Variants in IQCM observed in about 807,000 individuals in gnomAD.
The protein encoded by IQCM is IQ motif containing M, also known as IQ domain-containing protein M.
Under a neutral mutation model 57.6 loss-of-function variants are expected in IQCM, and 45 were observed. That is an observed-to-expected ratio of 0.78 (90% CI 0.62 to 1.00). The LOEUF (loss-of-function observed/expected upper bound fraction) is 1.00. Ranked by LOEUF, IQCM falls within the 50% of genes least tolerant of loss-of-function variation. The probability of loss-of-function intolerance (pLI) is 0.00; values close to 1 mark genes in which losing one functional copy is unlikely to be tolerated. For missense variants in IQCM, 468 were observed against 511.6 expected, an observed-to-expected ratio of 0.91 and a Z score of 0.82; for synonymous variants, 148 against 158.9, an observed-to-expected ratio of 0.93 and a Z score of 0.51.
At chr4:149,676,840 G>A (rs1761791075) in intron 7 of IQCM, among the ~76,000 whole-genome samples, 1 of 151,876 alleles carries the variant, frequency 6.6e-6, no homozygotes. Context: ...AGGACCTCCA[G>A]TTCCAAAATG....
intron 7 of IQCM, among the ~76,000 whole-genome samples, chr4:149,650,889 A>T (rs1759112856): frequency 6.6e-6 from 1 of 152,158 alleles, no homozygotes; most frequent in South Asian, 2.1e-4. Context: ...GCTTCTTGGC[A>T]TTTGCTTTAG....
chr4:149,791,985 T>C (rs115488971), intron 2 of IQCM, among the ~76,000 whole-genome samples: 3,366 of 152,094 alleles, frequency 0.022, 65 homozygotes, highest in South Asian at 0.036. Context: ...ACATCAAGAG[T>C]AGGCTAACCA....
intron 7 of IQCM, among the ~76,000 whole-genome samples, chr4:149,637,881 A>T (rs1004939577): frequency 5.9e-5 from 9 of 152,236 alleles, no homozygotes; most frequent in Non-Finnish European, 1.3e-4. Flanking sequence ...ACCGAAGAAT[A>T]ACTATAGAAA....
At chr4:149,772,977 A>G (rs1770726023) in intron 2 of IQCM, among the ~76,000 whole-genome samples, 1 of 152,220 alleles carries the variant, frequency 6.6e-6, no homozygotes, top group Admixed American at 6.5e-5. Context: ...GGGAATGCTT[A>G]TCTGAGGGAA....
intron 9 of IQCM, among the ~76,000 whole-genome samples, chr4:149,586,816 A>C (rs953659494): frequency 1.3e-5 from 2 of 151,646 alleles, no homozygotes; most frequent in Non-Finnish European, 2.9e-5. Flanking sequence ...ACCTTTTTTA[A>C]GTTTTGAACA....
intron 12 of IQCM, among the ~76,000 whole-genome samples, chr4:149,515,076 G>GTGTGTGTGTA (rs1744815495): frequency 9.8e-6 from 1 of 102,420 alleles, no homozygotes; most frequent in African/African-American, 4.5e-5. Flanking sequence ...ATACACGTGT[G>GTGTGTGTGTA]TGTGTGTGTG....
intron 10 of IQCM, among the ~76,000 whole-genome samples, chr4:149,555,966 G>A (rs1447331696): frequency 1.3e-5 from 2 of 152,184 alleles, no homozygotes; most frequent in Admixed American, 6.5e-5. Context: ...AGTTGAGCCA[G>A]AGAAAATGAC....
intron 5 of IQCM, among the ~76,000 whole-genome samples, chr4:149,710,454 G>A (rs184640353): frequency 1.4e-4 from 21 of 152,128 alleles, no homozygotes; most frequent in African/African-American, 4.8e-4. Flanking sequence ...ATCGTTGTTG[G>A]CCCAGCAAAG....
At chr4:149,354,366 A>AAAAAAAAAAAAAC (rs1728790635) in intron 13 of IQCM, among the ~76,000 whole-genome samples, 1 of 109,628 alleles carries the variant, frequency 9.1e-6, no homozygotes, top group Non-Finnish European at 2.0e-5. Flanking sequence ...TCCGTCTCAA[A>AAAAAAAAAAAAAC]AAAAAAAAAA....
chr4:149,389,939 T>C (rs1243563396), intron 13 of IQCM, among the ~76,000 whole-genome samples: 1 of 152,088 alleles, frequency 6.6e-6, no homozygotes, highest in Non-Finnish European at 1.5e-5. Flanking sequence ...TTTTTCAAGA[T>C]TGTTCTATTT....
chr4:149,804,214 C>G (rs1021028174), intron 2 of IQCM, among the ~76,000 whole-genome samples: 6 of 152,122 alleles, frequency 3.9e-5, no homozygotes, highest in African/African-American at 1.4e-4. Flanking sequence ...CAGTTACTTT[C>G]TCCCTCACCC....
intron 12 of IQCM, among the ~76,000 whole-genome samples, chr4:149,541,800 A>G (rs1484989984): frequency 6.6e-6 from 1 of 152,098 alleles, no homozygotes; most frequent in Non-Finnish European, 1.5e-5. Flanking sequence ...AACTGAAGAC[A>G]GTTTTAGAAC....
intron 7 of IQCM, among the ~76,000 whole-genome samples, chr4:149,632,349 T>A (rs1291711392): frequency 6.6e-6 from 1 of 152,230 alleles, no homozygotes; most frequent in Non-Finnish European, 1.5e-5. Context: ...TGGTCATAAA[T>A]CTTTGGTATT....
intron 7 of IQCM, among the ~76,000 whole-genome samples, chr4:149,659,988 A>C (rs1307271211): frequency 1.3e-5 from 2 of 151,242 alleles, no homozygotes; most frequent in Non-Finnish European, 3.0e-5. Context: ...AATGGGATCT[A>C]ATTAAACTAA....
At chr4:149,410,474 T>A (rs1733307230) in intron 13 of IQCM, among the ~76,000 whole-genome samples, 2 of 149,762 alleles carry the variant, frequency 1.3e-5, no homozygotes, top group South Asian at 4.2e-4. Flanking sequence ...TTTCATATTA[T>A]ATATCAATAT....
chr4:149,630,554 A>G (rs1185479627), intron 7 of IQCM, among the ~76,000 whole-genome samples: 1 of 152,192 alleles, frequency 6.6e-6, no homozygotes, highest in Admixed American at 6.5e-5. Flanking sequence ...CATTTATCTC[A>G]CATAATTTGA....
At chr4:149,660,516 C>T (rs943488701) in intron 7 of IQCM, among the ~76,000 whole-genome samples, 4 of 152,044 alleles carry the variant, frequency 2.6e-5, no homozygotes, top group Admixed American at 2.0e-4. Flanking sequence ...CATGCTGCTA[C>T]AAAGACACAT....
intron 11 of IQCM, among the ~76,000 whole-genome samples, chr4:149,550,601 A>C (rs553161715): frequency 2.0e-5 from 3 of 152,328 alleles, no homozygotes; most frequent in African/African-American, 7.2e-5. Context: ...ACTTTCAGCA[A>C]CATGCAAGGA....
At chr4:149,535,188 C>A (rs72955474) in intron 12 of IQCM, among the ~76,000 whole-genome samples, 2,807 of 151,996 alleles carry the variant, frequency 0.018, 57 homozygotes, top group African/African-American at 0.055. Context: ...TTTACTGTAG[C>A]AATTTATAGG....
Sources: allele counts gnomAD v4.1 joint callset (sites outside exome capture counted in the v4.1 genomes callset), GRCh38; gene constraint gnomAD v4.1.1; transcripts MANE v1.5; gene names NCBI Gene and HGNC (gene_info 2026-07-23, HGNC 2026-07-21).